The following RAB37 variants were observed in gnomAD, a reference collection of about 807,000 sequenced individuals.
The protein encoded by RAB37 is RAB37, member RAS oncogene family, also known as ras-related protein Rab-37.
RAB37 carries 29 observed loss-of-function variants against 33.1 expected under a neutral mutation model. The ratio of observed to expected loss-of-function variants is 0.88; its 90% CI spans 0.65 to 1.20. The LOEUF (loss-of-function observed/expected upper bound fraction) is 1.20. Among genes scored for constraint, RAB37 ranks in the 50% most tolerant of loss-of-function variants. The pLI, the probability that RAB37 is intolerant of heterozygous loss-of-function variation, is 0.00. For missense variants in RAB37, 299 were observed against 301.1 expected (o/e 0.99, Z 0.05); for synonymous variants, 128 against 119.5 (o/e 1.07, Z -0.47).
chr17:74,683,399 A>G (rs2031992077), intron 1 of RAB37, among the ~76,000 whole-genome samples: 1 of 152,214 alleles, frequency 6.6e-6, no homozygotes. Flanking sequence ...GTTAGCTGCT[A>G]TGGAGACGCC....
chr17:74,744,508 A>G lies in RAB37; in HGVS notation c.432+135A>G. ...GCAGCCTCCAGCTCAGGGGTCAGAC[A>G]TATCTGGAGGCTTCTGCCCATCCCA... On this transcript the variant is annotated intron_variant, in intron 6 of 8. Coordinates refer to ENST00000392613, the MANE Select transcript of RAB37 (RefSeq NM_001006638.3). This position sits in a 1 kb window ranked among gnomAD's most constrained non-coding sequence, Gnocchi z 4.2. The G allele has an allele frequency of 2.4e-6, 2 of 820,178 alleles. No homozygotes were observed. Among genetic ancestry groups the G allele is most frequent in the Non-Finnish European group, 4.0e-6 (2 of 495,300 alleles). 50.8% of individuals were successfully genotyped at this position (820,178 alleles called of 1,614,324 possible).
chr17:74,697,710 T>G (rs565427396), intron 1 of RAB37, among the ~76,000 whole-genome samples: 104 of 152,096 alleles, frequency 6.8e-4, no homozygotes, highest in African/African-American at 2.5e-3. Context: ...GATCTGTGAG[T>G]GTAGACTCCT....
At chr17:74,705,369 CT>C (rs1448930652) in intron 1 of RAB37, 21 of 650,490 alleles carry the variant, frequency 3.2e-5, no homozygotes, top group Non-Finnish European at 2.9e-6. Flanking sequence ...GGCAACTGGT[CT>C]CCATGTGCTA....
chr17:74,676,654 T>C lies in RAB37; in HGVS notation c.72+4996T>C, dbSNP rs1311150228. Among the ~76,000 whole-genome samples, 1 of 152,178 alleles carries C rather than the reference T, an allele frequency of 6.6e-6. No homozygotes were observed. The highest frequency in any genetic ancestry group is 3.2e-3 in the Middle Eastern group (1 of 316). ...TCCAAAGCGTAAAGAACTAGGCTGG[T>C]CATTGTCGAGAATATAGACGCAAAT... On this transcript the variant is annotated intron_variant, in intron 1 of 7. Coordinates refer to the RAB37 transcript ENST00000340415. This position sits in a 1 kb window ranked among gnomAD's most constrained non-coding sequence, Gnocchi z 4.1.
chr17:74,733,696 G>A (rs2034426541), upstream of RAB37, among the ~76,000 whole-genome samples: 1 of 151,768 alleles, frequency 6.6e-6, no homozygotes, highest in African/African-American at 2.4e-5. Flanking sequence ...ACGTTAGGAG[G>A]CCCAGGTTTC....
At chr17:74,693,612 G>A (rs1477808665) in intron 1 of RAB37, among the ~76,000 whole-genome samples, 1 of 152,082 alleles carries the variant, frequency 6.6e-6, no homozygotes, top group East Asian at 1.9e-4. Context: ...CTGGAAGGAA[G>A]GCTGTCAGAT....
chr17:74,741,928 C>G (rs538203730), intron 2 of RAB37, among the ~76,000 whole-genome samples: 6 of 152,284 alleles, frequency 3.9e-5, no homozygotes, highest in Non-Finnish European at 7.4e-5. Context: ...AGAGGGAGAC[C>G]GAAGTGGGAA....
At chr17:74,696,702 C>T (rs1384633588) in intron 1 of RAB37, among the ~76,000 whole-genome samples, 1 of 152,216 alleles carries the variant, frequency 6.6e-6, no homozygotes, top group African/African-American at 2.4e-5. Context: ...CTTCGTCCTA[C>T]TGAATTCTAG....
intron 1 of RAB37, chr17:74,698,759 G>A (rs535889165): frequency 5.1e-6 from 3 of 586,388 alleles, no homozygotes; most frequent in Non-Finnish European, 8.3e-6. Context: ...CTACCTATTG[G>A]GTACTATACC....
rs1598325914 is a variant in RAB37, at chr17:74,740,839, G to A, written c.165G>A (p.Leu55=). 1 of 1,614,132 alleles carries A rather than the reference G, an allele frequency of 6.2e-7. No individual in the cohort carries two copies. The highest frequency in any genetic ancestry group is 8.5e-7 in the Non-Finnish European group (1 of 1,180,004). The part of the protein sequence containing the change: ...FLIQFKDGAF[L]SGTFIATVGI... Reference sequence around the variant, plus strand: ...TCCAATTCAAAGACGGGGCCTTCCTGTCCGGAACCTTCATAGCCACCGTCG... The same window carrying A: ...TCCAATTCAAAGACGGGGCCTTCCTATCCGGAACCTTCATAGCCACCGTCG... Residue 55 remains leucine, a synonymous_variant, in exon 2 of 9, where the codon CTG becomes CTA. Transcript: ENST00000392613.
intron 1 of RAB37, among the ~76,000 whole-genome samples, chr17:74,689,005 T>C (rs560274570): frequency 6.6e-6 from 1 of 152,146 alleles, no homozygotes; most frequent in African/African-American, 2.4e-5. Flanking sequence ...AAATAAAACA[T>C]GTAGAGGAAA....
chr17:74,716,119 T>C (rs2034162252), intron 1 of RAB37, among the ~76,000 whole-genome samples: 1 of 152,192 alleles, frequency 6.6e-6, no homozygotes. Flanking sequence ...GGGAATCGGC[T>C]CTTCTGCAGG....
At chr17:74,722,528 G>A (rs990428147) in intron 1 of RAB37, among the ~76,000 whole-genome samples, 2 of 152,156 alleles carry the variant, frequency 1.3e-5, no homozygotes, top group African/African-American at 2.4e-5. Context: ...TCAGCTGCTT[G>A]GAGATGTTAA....
intron 1 of RAB37, among the ~76,000 whole-genome samples, chr17:74,724,398 A>G (rs1196465757): frequency 6.6e-6 from 1 of 152,226 alleles, no homozygotes; most frequent in African/African-American, 2.4e-5. Flanking sequence ...CAGATGGGTG[A>G]CTTAGATGAA....
chr17:74,694,976 C>T, intron 1 of RAB37: 1 of 1,140,506 alleles, frequency 8.8e-7, no homozygotes, highest in Non-Finnish European at 1.2e-6. Context: ...GCAATGCTGG[C>T]TGATCAGGCA....
intron 1 of RAB37, among the ~76,000 whole-genome samples, chr17:74,715,012 C>G (rs544982765): frequency 6.1e-4 from 93 of 152,330 alleles, no homozygotes; most frequent in Middle Eastern, 3.4e-3. Context: ...ATCCCAGCTA[C>G]TCAGGAGGCT....
intron 1 of RAB37, among the ~76,000 whole-genome samples, chr17:74,678,433 A>T (rs1349464176): frequency 3.3e-5 from 5 of 152,126 alleles, no homozygotes; most frequent in Non-Finnish European, 5.9e-5. Flanking sequence ...ATGGTTCCTG[A>T]CCTTGATTTC....
intron 1 of RAB37, 29 bp from the exon 2 acceptor site, chr17:74,740,739 C>T (rs753080021): frequency 8.1e-6 from 12 of 1,486,222 alleles, no homozygotes; most frequent in Non-Finnish European, 1.0e-5. Flanking sequence ...CCTGACTCCC[C>T]ATTAACTGCC....
chr17:74,735,530 C>G (rs753751779), upstream of RAB37, among the ~76,000 whole-genome samples: 4 of 152,020 alleles, frequency 2.6e-5, no homozygotes, highest in Non-Finnish European at 5.9e-5. Flanking sequence ...AGTGAGACTC[C>G]GTCTCCGGGA....
Sources: allele counts gnomAD v4.1 joint callset (sites outside exome capture counted in the v4.1 genomes callset), GRCh38; gene constraint gnomAD v4.1.1; non-coding constraint Gnocchi (gnomAD v3.1); transcripts MANE v1.5; gene names NCBI Gene and HGNC (gene_info 2026-07-23, HGNC 2026-07-21).